SCUBE3: variants seen among roughly 807,000 people sequenced by gnomAD.
SCUBE3 encodes the protein signal peptide, CUB domain and EGF like domain containing 3, also known as signal peptide, CUB and EGF-like domain-containing protein 3.
A neutral mutation model predicts 116.8 loss-of-function variants in SCUBE3; 33 were observed. The ratio of observed to expected loss-of-function variants is 0.28; its 90% CI spans 0.21 to 0.38. The LOEUF (loss-of-function observed/expected upper bound fraction) is 0.38, where lower values mean the gene tolerates loss of function less well. Ranked by LOEUF, SCUBE3 falls within the 10% of genes least tolerant of loss-of-function variation. The pLI is 1.00. For missense variants in SCUBE3, 1,007 were observed against 1,324.8 expected (o/e 0.76, Z 3.72); for synonymous variants, 418 against 496.9 (o/e 0.84, Z 2.11).
intron 6 of SCUBE3, among the ~76,000 whole-genome samples, chr6:35,236,787 C>T (rs1176587002): frequency 2.0e-5 from 3 of 152,206 alleles, no homozygotes; most frequent in Non-Finnish European, 4.4e-5. Context: ...TCTATCTTCC[C>T]TAGTGGAGGT....
intron 6 of SCUBE3, 149 bp from the exon 7 acceptor site, chr6:35,237,753 G>A: frequency 1.6e-6 from 1 of 607,396 alleles, no homozygotes; most frequent in Non-Finnish European, 3.0e-6. Context: ...AAAGGGGCTG[G>A]GAGCCTCCCT....
intron 6 of SCUBE3, among the ~76,000 whole-genome samples, chr6:35,237,605 C>G (rs978917423): frequency 2.6e-5 from 4 of 152,184 alleles, no homozygotes; most frequent in African/African-American, 9.7e-5. Context: ...TCCTCCACCC[C>G]CTCGGCACAT....
In SCUBE3 at chr6:35,235,440, A is replaced by C; in HGVS notation, c.712+2139A>C. 7.8e-7 allele frequency: 1 copy of C among 1,283,816 alleles called. No homozygotes were observed. The highest frequency in any genetic ancestry group is 1.2e-5 in the South Asian group (1 of 80,908). The allele number at this position is 1,283,816 out of a possible 1,614,324, so 79.5% of individuals were successfully genotyped here. ...ACCTAAACAGCTTTTTTACAATGTC[A>C]AACAGGGGAAAGGCGGCTAGAGCAG... On this transcript the variant is annotated intron_variant, in intron 6 of 21. Coordinates refer to ENST00000274938, the MANE Select transcript of SCUBE3 (RefSeq NM_152753.4). The surrounding 1 kb of genome is among the most constrained non-coding windows in gnomAD (Gnocchi z 4.5).
rs148936412 is a variant in SCUBE3 at position 35,241,824 on chromosome 6, C to T, written c.1331C>T (p.Thr444Met). 5.0e-5 allele frequency: 80 copies of T among 1,613,084 alleles called. No individual in the cohort carries two copies. The highest frequency in any genetic ancestry group is 6.5e-5 in the Non-Finnish European group (77 of 1,179,672). The change falls in exon 12 of 22, where the codon ACG becomes ATG. Residue 444 changes from threonine (T) to methionine (M), a missense_variant. Physicochemically the swap from Thr to Met is moderately conservative, Grantham distance 81. This residue lies in a region of SCUBE3 where 544 missense variants were observed against 638.9 expected (regional missense o/e 0.85). Transcript: ENST00000274938. The surrounding 1 kb of genome is among the most constrained non-coding windows in gnomAD (Gnocchi z 4.1). The stretch of plus-strand genomic sequence containing the variant: ...TTCTCAGAGTCTGAGAATGGCTTCA[C>T]GGTGAGCTGTGGGACCCCCAGCCCC... ...RFLPESENGF[T>M]VSCGTPSPRA...
chr6:35,242,194 A>C lies in SCUBE3; in HGVS notation c.1418-10A>C. Reference sequence around the variant, plus strand: ...TCCCATACTGTGCTGAGTTTCTACCATCCCTCTAGAGGCTGCAGTGCTGTC... The same window carrying C: ...TCCCATACTGTGCTGAGTTTCTACCCTCCCTCTAGAGGCTGCAGTGCTGTC... On this transcript the variant is annotated splice_polypyrimidine_tract_variant and intron_variant, in intron 12 of 21. Transcript: ENST00000274938. The C allele has an allele frequency of 6.3e-7, 1 of 1,595,884 alleles. No individual in the cohort carries two copies.
intron 21 of SCUBE3, among the ~76,000 whole-genome samples, chr6:35,247,732 T>C (rs1315370915): frequency 6.6e-6 from 1 of 152,228 alleles, no homozygotes; most frequent in African/African-American, 2.4e-5. Context: ...CTGAAACCCC[T>C]ACTTCTTATT....
At chr6:35,242,590 T>C in intron 13 of SCUBE3, 32 bp from the exon 14 acceptor site, 3 of 1,588,018 alleles carry the variant, frequency 1.9e-6, no homozygotes, top group Non-Finnish European at 2.6e-6. Flanking sequence ...TTCCAGGGGA[T>C]GTCCCTGGGG....
intron 14 of SCUBE3, 29 bp downstream of exon 14, chr6:35,242,809 G>A: frequency 6.2e-7 from 1 of 1,606,888 alleles, no homozygotes; most frequent in Non-Finnish European, 8.5e-7. Context: ...TTGGGAAGAG[G>A]ACTGGAAGGG....
At position 35,214,290 on chromosome 6, in the gene SCUBE3, C is replaced by G; in HGVS notation, c.-129C>G. The G allele has an allele frequency of 2.4e-6, 1 of 412,536 alleles. No individual in the cohort carries two copies. The highest frequency in any genetic ancestry group is 4.0e-6 in the Non-Finnish European group (1 of 250,342). 25.6% of individuals were successfully genotyped at this position (412,536 alleles called of 1,614,324 possible). ...CGCCGCGGTCCGCGCCCCGCGACTG[C>G]AGCCCCCGGCCTGGCCCCGGCGGGG... On this transcript the variant is annotated 5_prime_UTR_variant, in exon 1 of 22. Coordinates refer to ENST00000274938, the MANE Select transcript of SCUBE3 (RefSeq NM_152753.4). This position sits in a 1 kb window ranked among gnomAD's most constrained non-coding sequence, Gnocchi z 6.3.
rs1353872794 is a variant in SCUBE3 at position 35,244,906 on chromosome 6, TG to T, written c.2401+101del. 21 of 1,275,892 alleles carry T rather than the reference TG, an allele frequency of 1.6e-5. No individual in the cohort carries two copies. The highest frequency in any genetic ancestry group is 2.0e-5 in the Non-Finnish European group (18 of 897,200). 79.0% of individuals were successfully genotyped at this position (1,275,892 alleles called of 1,614,324 possible). A position where few individuals can be genotyped will look rare whatever the true frequency, so the allele number is the denominator to read the frequency against. On this transcript the variant is annotated intron_variant, in intron 18 of 21. Coordinates refer to ENST00000274938, the MANE Select transcript of SCUBE3 (RefSeq NM_152753.4). The surrounding 1 kb of genome is among the most constrained non-coding windows in gnomAD (Gnocchi z 4.3). The stretch of plus-strand genomic sequence containing the variant: ...GTGTGAAACCAACAGGGAGCAGGGC[TG>T]GGGGGTGGAGGAGCAGGAAAACTCC...
chr6:35,230,005 G>A (rs1046832674), intron 3 of SCUBE3, among the ~76,000 whole-genome samples: 31 of 152,198 alleles, frequency 2.0e-4, no homozygotes, highest in Admixed American at 7.9e-4. Flanking sequence ...CCTTACTGCA[G>A]AGCTGCCTCC....
At position 35,241,272 on chromosome 6, in the gene SCUBE3, C is replaced by A; in HGVS notation, c.1195+6C>A. On this transcript the variant is annotated splice_donor_region_variant and intron_variant, in intron 10 of 21. Transcript: ENST00000274938. This position sits in a 1 kb window ranked among gnomAD's most constrained non-coding sequence, Gnocchi z 4.1. Reference sequence around the variant, plus strand: ...GAATGGCAAAGATTGCACAGGTGGGCAGTGCCCTCTGCTGGCCAAAGATGA... The same window carrying A: ...GAATGGCAAAGATTGCACAGGTGGGAAGTGCCCTCTGCTGGCCAAAGATGA... The A allele has an allele frequency of 6.3e-7, 1 of 1,587,700 alleles. No homozygotes were observed. Among genetic ancestry groups the A allele is most frequent in the Non-Finnish European group, 8.6e-7 (1 of 1,161,144 alleles).
chr6:35,246,214 G>A lies in SCUBE3; in HGVS notation c.2761G>A (p.Glu921Lys). ...IPYVTYDEDYEQLVEDIVRDG... is the reference protein window; with the variant it reads ...IPYVTYDEDYKQLVEDIVRDG... ...CTTGGTTGACTTTGCAGAGGACTAT[G>A]AGCAGCTGGTAGAAGACATTGTGCG... Residue 921 changes from glutamate (E) to lysine (K), a missense_variant, in exon 21 of 22, where the codon GAG (glutamate) becomes AAG (lysine). Glu to Lys is a moderately conservative substitution (Grantham distance 56, BLOSUM62 1). Around this residue, in one of 5 missense-constraint regions of SCUBE3, gnomAD observed 118 missense variants for 196.6 expected, o/e 0.60. Coordinates refer to ENST00000274938, the MANE Select transcript of SCUBE3 (RefSeq NM_152753.4). 2 of 1,614,104 alleles carry A rather than the reference G, an allele frequency of 1.2e-6. No individual in the cohort carries two copies. Among genetic ancestry groups the A allele is most frequent in the Non-Finnish European group, 1.7e-6 (2 of 1,179,976 alleles).
Position 35,240,382 on chromosome 6 carries a change from G to A in SCUBE3, c.961G>A (p.Glu321Lys). The A allele has an allele frequency of 3.1e-6, 5 of 1,590,600 alleles. No individual in the cohort carries two copies. Among genetic ancestry groups the A allele is most frequent in the East Asian group, 2.3e-5 (1 of 44,190 alleles). The change falls in exon 9 of 22, where the codon GAG becomes AAG. Residue 321 changes from glutamate (E) to lysine (K), a missense_variant. Physicochemically the swap from Glu to Lys is moderately conservative, Grantham distance 56. Transcript: ENST00000274938. This position sits in a 1 kb window ranked among gnomAD's most constrained non-coding sequence, Gnocchi z 4.6. ...AATCTTTGCTCTTCCAGATATAGAC[G>A]AGTGTTCCTTTGATCGAACCTGTGA... ...INERNCQDIDECSFDRTCDHI... is the reference protein window; with the variant it reads ...INERNCQDIDKCSFDRTCDHI...
intron 6 of SCUBE3, among the ~76,000 whole-genome samples, chr6:35,237,013 T>C (rs1783805467): frequency 6.6e-6 from 1 of 152,218 alleles, no homozygotes; most frequent in African/African-American, 2.4e-5. Flanking sequence ...CCTCCTACTC[T>C]GACCTTTTAG....
At position 35,214,686 on chromosome 6, in the gene SCUBE3, C is replaced by T. The variant is rs1238567404; in HGVS notation, c.85+183C>T. 6.6e-6 allele frequency among the ~76,000 whole-genome samples: 1 copy of T among 152,240 alleles called. No homozygotes were observed. Among genetic ancestry groups the T allele is most frequent in the Non-Finnish European group, 1.5e-5 (1 of 68,038 alleles). ...GGGCGCTGCGCCCCGAGCGAAAAGC[C>T]GGACAAGCTGGGGGCGGCAGAGAGG... On this transcript the variant is annotated intron_variant, in intron 1 of 21. Coordinates refer to ENST00000274938, the MANE Select transcript of SCUBE3 (RefSeq NM_152753.4). The surrounding 1 kb of genome is among the most constrained non-coding windows in gnomAD (Gnocchi z 6.3).
chr6:35,242,730 C>T lies in SCUBE3; in HGVS notation c.1643C>T (p.Thr548Ile). 3 of 1,614,110 alleles carry T rather than the reference C, an allele frequency of 1.9e-6. No individual in the cohort carries two copies. The South Asian group carries it at 3.3e-5, about 18-fold the overall frequency. The change falls in exon 14 of 22, where the codon ACA becomes ATA. Residue 548 changes from threonine (T) to isoleucine (I), a missense_variant. Thr to Ile is a moderately conservative substitution (Grantham distance 89). Transcript: ENST00000274938. ...CGGACCCCTCCAGGCAAAGAGGTCA[C>T]AAGGCTCACCCTGGAACTGGAGGCA... ...RARTPPGKEVTRLTLELEAEV... is the reference protein window; with the variant it reads ...RARTPPGKEVIRLTLELEAEV...
intron 1 of SCUBE3, chr6:35,222,738 AG>A (rs1269194765): frequency 6.6e-6 from 1 of 152,208 alleles, no homozygotes. Context: ...CAGCACAGGT[AG>A]AGTAAGCAGT....
At position 35,219,449 on chromosome 6, in the gene SCUBE3, C is replaced by G. The variant is rs1783043228; in HGVS notation, c.85+4946C>G. Reference sequence around the variant, plus strand: ...TTTGGCTGAACAAATGGGATGATGACCCCTATATAGGGCACAGTGGTCCTT... The same window carrying G: ...TTTGGCTGAACAAATGGGATGATGAGCCCTATATAGGGCACAGTGGTCCTT... On this transcript the variant is annotated intron_variant, in intron 1 of 21. Transcript: ENST00000274938. This position sits in a 1 kb window ranked among gnomAD's most constrained non-coding sequence, Gnocchi z 4.7. Among the ~76,000 whole-genome samples, 1 of 152,124 alleles carries G rather than the reference C, an allele frequency of 6.6e-6. No homozygotes were observed. The highest frequency in any genetic ancestry group is 1.5e-5 in the Non-Finnish European group (1 of 68,020).
Sources: gnomAD v4.1 joint callset for allele counts (sites outside exome capture counted in the v4.1 genomes callset) on GRCh38, gnomAD v4.1.1 for gene constraint, gnomAD v4.1.1 regional missense constraint, Gnocchi (gnomAD v3.1) non-coding constraint, MANE v1.5 for transcripts, NCBI Gene and HGNC (gene_info 2026-07-23, HGNC 2026-07-21) for gene names.